CPNE4: variants seen among roughly 807,000 people sequenced by gnomAD.
CPNE4 encodes the protein copine 4, also known as copine-4.
Under a neutral mutation model 67.9 loss-of-function variants are expected in CPNE4, and 25 were observed. The ratio of observed to expected loss-of-function variants is 0.37; its 90% confidence interval spans 0.27 to 0.51. The LOEUF is 0.51. Ranked by LOEUF, CPNE4 falls within the 20% of genes least tolerant of loss-of-function variation. CPNE4 has a pLI of 0.93. For missense variants in CPNE4, 464 were observed against 690.8 expected, an observed-to-expected ratio of 0.67 and a Z score of 3.68; for synonymous variants, 242 against 244.9, an observed-to-expected ratio of 0.99 and a Z score of 0.11.
At chr3:131,949,320 G>A (rs1258235760) in intron 1 of CPNE4, among the ~76,000 whole-genome samples, 1 of 152,138 alleles carries the variant, frequency 6.6e-6, no homozygotes, top group Admixed American at 6.5e-5. Context: ...CATTCATTGA[G>A]CATCAATTCA....
intron 2 of CPNE4, among the ~76,000 whole-genome samples, chr3:131,756,625 G>T (rs765006): frequency 0.086 from 13,025 of 152,302 alleles, 731 homozygotes; most frequent in Non-Finnish European, 0.13. Context: ...CCCCAGTGGA[G>T]ACAGCCAACA....
At chr3:131,544,025 G>C (rs1326425160) in intron 14 of CPNE4, among the ~76,000 whole-genome samples, 1 of 152,194 alleles carries the variant, frequency 6.6e-6, no homozygotes, top group Non-Finnish European at 1.5e-5. Context: ...TCTGGGGCCT[G>C]GAGAAGGATG....
chr3:132,000,875 G>GATAATACATT (rs928595562), intron 1 of CPNE4, among the ~76,000 whole-genome samples: 9 of 150,540 alleles, frequency 6.0e-5, no homozygotes, highest in Admixed American at 3.3e-4. Context: ...AAGGAAAATG[G>GATAATACATT]ATAATACATT....
chr3:131,821,822 C>G (rs959844265), intron 2 of CPNE4, among the ~76,000 whole-genome samples: 1 of 152,162 alleles, frequency 6.6e-6, no homozygotes. Context: ...CTTCCTGCTT[C>G]CCAGACCTCT....
intron 4 of CPNE4, among the ~76,000 whole-genome samples, chr3:131,698,960 T>G (rs1263656660): frequency 6.7e-6 from 1 of 149,008 alleles, no homozygotes; most frequent in Non-Finnish European, 1.5e-5. Context: ...TAAAAAGGAA[T>G]GTTCAAAATA....
chr3:131,550,655 A>G (rs1344873721), intron 13 of CPNE4, among the ~76,000 whole-genome samples: 1 of 152,110 alleles, frequency 6.6e-6, no homozygotes, highest in Admixed American at 6.5e-5. Context: ...ATCATGACTT[A>G]CTTATTTTTT....
At chr3:131,676,508 T>C (rs1225083762) in intron 6 of CPNE4, among the ~76,000 whole-genome samples, 1 of 152,164 alleles carries the variant, frequency 6.6e-6, no homozygotes, top group African/African-American at 2.4e-5. Flanking sequence ...CCAATAGTTA[T>C]TTTTCCTACT....
At chr3:131,662,623 A>G (rs1463895429) in intron 7 of CPNE4, among the ~76,000 whole-genome samples, 2 of 132,038 alleles carry the variant, frequency 1.5e-5, no homozygotes, top group African/African-American at 3.1e-5. Context: ...ATTTACAAGA[A>G]AAAAACAACC....
At chr3:131,977,350 A>G (rs2072688795) in intron 1 of CPNE4, among the ~76,000 whole-genome samples, 1 of 152,158 alleles carries the variant, frequency 6.6e-6, no homozygotes, top group African/African-American at 2.4e-5. Context: ...TGTCACAGTA[A>G]TAAACAAGAT....
chr3:132,034,961 G>T lies in CPNE4; in HGVS notation c.-396C>A, dbSNP rs2074314971. On this transcript the variant is annotated 5_prime_UTR_variant, in exon 1 of 16. Coordinates refer to ENST00000429747, the MANE Select transcript of CPNE4 (RefSeq NM_130808.3). Reference sequence around the variant, plus strand: ...GAGGGTGGCAGAAAGAGAAGGGGACGAGCGGGTGGCGGGGAGATGGCAGCT... The same window carrying T: ...GAGGGTGGCAGAAAGAGAAGGGGACTAGCGGGTGGCGGGGAGATGGCAGCT... 7.1e-6 allele frequency: 7 copies of T among 985,544 alleles called. No individual in the cohort carries two copies. The highest frequency in any genetic ancestry group is 1.7e-5 in the African/African-American group (1 of 57,192). 61.0% of individuals were successfully genotyped at this position (985,544 alleles called of 1,614,324 possible). A position where few individuals can be genotyped will look rare whatever the true frequency, so the allele number is the denominator to read the frequency against.
chr3:131,936,943 A>G (rs1398715829), intron 1 of CPNE4, among the ~76,000 whole-genome samples: 1 of 151,942 alleles, frequency 6.6e-6, no homozygotes, highest in Non-Finnish European at 1.5e-5. Context: ...TAAAGGACAT[A>G]AAAACTAAAA....
intron 2 of CPNE4, among the ~76,000 whole-genome samples, chr3:131,733,716 A>C (rs1472383710): frequency 6.6e-6 from 1 of 152,228 alleles, no homozygotes; most frequent in Non-Finnish European, 1.5e-5. Context: ...GTCTAATCCC[A>C]CACAAGTGTA....
At chr3:131,698,713 C>T (rs1325205848) in intron 4 of CPNE4, among the ~76,000 whole-genome samples, 17 of 151,130 alleles carry the variant, frequency 1.1e-4, no homozygotes, top group Admixed American at 1.1e-3. Flanking sequence ...AGTTGGAGAC[C>T]AACCTGGCCA....
intron 1 of CPNE4, among the ~76,000 whole-genome samples, chr3:131,934,850 G>C (rs2071177523): frequency 1.3e-5 from 2 of 152,102 alleles, no homozygotes; most frequent in Non-Finnish European, 1.5e-5. Context: ...GATTAGAAAA[G>C]GGATGCTTCT....
rs568688334 is a variant in CPNE4 at position 131,847,075 on chromosome 3, A to C, written c.180+58189T>G. Reference sequence around the variant, plus strand: ...CCCCATCTCCCCTCAGATTCTAACTAACTTGGCCTAATGGTCTCTCTCAAG... The same window carrying C: ...CCCCATCTCCCCTCAGATTCTAACTCACTTGGCCTAATGGTCTCTCTCAAG... On this transcript the variant is annotated intron_variant, in intron 2 of 15. Transcript: ENST00000429747. Among the ~76,000 whole-genome samples, 23 of 152,296 alleles carry C rather than the reference A, an allele frequency of 1.5e-4. No individual in the cohort carries two copies. In the South Asian group the frequency reaches 4.4e-3, roughly 29 times the overall value.
intron 7 of CPNE4, among the ~76,000 whole-genome samples, chr3:131,610,884 G>A (rs1939798174): frequency 1.3e-5 from 2 of 152,258 alleles, no homozygotes; most frequent in South Asian, 4.1e-4. Context: ...GTGGATGGAA[G>A]ACAAGAGCAT....
In CPNE4 at chr3:131,695,709, C is replaced by G. The variant is rs372594488; in HGVS notation, c.507+833G>C. On this transcript the variant is annotated intron_variant, in intron 5 of 15. Coordinates refer to ENST00000429747, the MANE Select transcript of CPNE4 (RefSeq NM_130808.3). ...CTATGCACACTGCAGTTCCCAGCAC[C>G]TAGTTCATGCTCATGTTAAGAATGG... is the stretch of plus-strand genomic sequence containing the variant. Among the ~76,000 whole-genome samples, 194 of 152,286 alleles carry G rather than the reference C, an allele frequency of 1.3e-3. 8 individuals are homozygous for G. The South Asian group carries it at 0.03, about 24-fold the overall frequency.
At chr3:131,841,565 A>T (rs1455455440) in intron 2 of CPNE4, among the ~76,000 whole-genome samples, 1 of 152,208 alleles carries the variant, frequency 6.6e-6, no homozygotes, top group African/African-American at 2.4e-5. Flanking sequence ...TCCTTATGAT[A>T]ATCTAACGCC....
In CPNE4 at chr3:131,790,366, C is replaced by A. The variant is rs554989546; in HGVS notation, c.181-66741G>T. 2.0e-5 allele frequency among the ~76,000 whole-genome samples: 3 copies of A among 152,214 alleles called. No homozygotes were observed. The South Asian group carries it at 6.2e-4, about 32-fold the overall frequency. On this transcript the variant is annotated intron_variant, in intron 2 of 15. Transcript: ENST00000429747. The stretch of plus-strand genomic sequence containing the variant: ...GCTGCTTAGCCAAAGCTCACCTTCC[C>A]CAGGGGTGCTTCTTTGTTCTGCAGG...
Sources: allele counts gnomAD v4.1 joint callset (sites outside exome capture counted in the v4.1 genomes callset), GRCh38; gene constraint gnomAD v4.1.1; transcripts MANE v1.5; gene names NCBI Gene and HGNC (gene_info 2026-07-23, HGNC 2026-07-21).